DPF3: variants seen among roughly 807,000 people sequenced by gnomAD.
DPF3 encodes double PHD fingers 3, also known as zinc finger protein DPF3.
DPF3 carries 18 observed loss-of-function variants against 56.8 expected under a neutral mutation model. The ratio of observed to expected loss-of-function variants is 0.32; its 90% CI spans 0.22 to 0.47. The LOEUF (loss-of-function observed/expected upper bound fraction) is 0.47. Ranked by LOEUF, DPF3 falls within the 20% of genes least tolerant of loss-of-function variation. The pLI, the probability that DPF3 is intolerant of heterozygous loss-of-function variation, is 1.00. For missense variants in DPF3, 403 were observed against 488.8 expected, an observed-to-expected ratio of 0.82 and a Z score of 1.65; for synonymous variants, 188 against 180.2, an observed-to-expected ratio of 1.04 and a Z score of -0.35.
intron 1 of DPF3, among the ~76,000 whole-genome samples, chr14:72,820,648 A>C (rs957246800): frequency 1.3e-5 from 2 of 152,222 alleles, no homozygotes; most frequent in Non-Finnish European, 2.9e-5. Context: ...CACTTCTAGA[A>C]ACCTGTGCTA....
intron 1 of DPF3, among the ~76,000 whole-genome samples, chr14:72,837,807 C>T (rs1159023890): frequency 2.6e-5 from 4 of 152,116 alleles, no homozygotes; most frequent in Non-Finnish European, 5.9e-5. Flanking sequence ...ACACAGCCTC[C>T]TTCAAAAGAA....
At chr14:72,804,094 A>C (rs551037846) in intron 1 of DPF3, among the ~76,000 whole-genome samples, 10 of 152,058 alleles carry the variant, frequency 6.6e-5, no homozygotes, top group Non-Finnish European at 1.2e-4. Flanking sequence ...ATGAGGACCA[A>C]ATGACTGGGG....
At chr14:72,648,817 C>T (rs894998990) in intron 8 of DPF3, among the ~76,000 whole-genome samples, 2 of 152,066 alleles carry the variant, frequency 1.3e-5, no homozygotes, top group East Asian at 3.9e-4. Context: ...AGCCAGCATA[C>T]AAACAAGCCA....
intron 3 of DPF3, among the ~76,000 whole-genome samples, chr14:72,751,455 A>G (rs1599408881): frequency 6.6e-6 from 1 of 152,278 alleles, no homozygotes; most frequent in East Asian, 1.9e-4. Context: ...TGGAGCAAGG[A>G]CCAAGCTTCT....
At chr14:72,754,359 T>C (rs1890703491) in intron 2 of DPF3, among the ~76,000 whole-genome samples, 1 of 152,120 alleles carries the variant, frequency 6.6e-6, no homozygotes, top group East Asian at 1.9e-4. Context: ...AGCCAACAAA[T>C]CCCTAATAGG....
chr14:72,718,923 G>A (rs958750007), intron 5 of DPF3, among the ~76,000 whole-genome samples: 12 of 151,332 alleles, frequency 7.9e-5, no homozygotes, highest in Non-Finnish European at 1.5e-4. Context: ...GGTGCATGCC[G>A]GCATGCCCAG....
At chr14:72,881,277 T>C (rs1886310097) in intron 1 of DPF3, among the ~76,000 whole-genome samples, 1 of 151,958 alleles carries the variant, frequency 6.6e-6, no homozygotes. Flanking sequence ...AGAGATCTCA[T>C]TCTCTAAAAT....
intron 7 of DPF3, among the ~76,000 whole-genome samples, chr14:72,689,599 C>A (rs546017430): frequency 6.6e-6 from 1 of 152,286 alleles, no homozygotes; most frequent in South Asian, 2.1e-4. Flanking sequence ...GGAGCCACCC[C>A]CTATCCCCAA....
intron 8 of DPF3, among the ~76,000 whole-genome samples, chr14:72,634,827 C>T (rs1885341066): frequency 6.6e-6 from 1 of 152,024 alleles, no homozygotes; most frequent in Non-Finnish European, 1.5e-5. Flanking sequence ...GGAGGGAAGA[C>T]AACCCTTCCC....
chr14:72,785,728 A>T (rs1433504750), intron 1 of DPF3, among the ~76,000 whole-genome samples: 4 of 152,214 alleles, frequency 2.6e-5, no homozygotes, highest in African/African-American at 9.7e-5. Flanking sequence ...AAAAAAGTTA[A>T]TATGGGGCTT....
chr14:72,876,420 C>G (rs951148281), intron 1 of DPF3, among the ~76,000 whole-genome samples: 11 of 152,316 alleles, frequency 7.2e-5, no homozygotes, highest in African/African-American at 2.6e-4. Context: ...CCTGGAGCCT[C>G]TCTTTTGGAC....
Position 72,799,490 on chromosome 14 carries a change from C to A in DPF3, c.33-27597G>T, listed in dbSNP as rs114110089. Among the ~76,000 whole-genome samples the A allele has an allele frequency of 8.1e-3, 1,228 of 152,184 alleles. 17 individuals carry two copies. Among genetic ancestry groups the A allele is most frequent in the African/African-American group, 0.028 (1,155 of 41,510 alleles). ...GACCAGCCTGGGTAACATAGTGAGA[C>A]CTTGTCTCTACAAAAATTGGCCAGG... On this transcript the variant is annotated intron_variant, in intron 1 of 10. Coordinates refer to ENST00000556509, the MANE Select transcript of DPF3 (RefSeq NM_001280542.3).
chr14:72,663,738 G>C (rs1282966803), intron 8 of DPF3, among the ~76,000 whole-genome samples: 2 of 152,150 alleles, frequency 1.3e-5, no homozygotes, highest in Non-Finnish European at 2.9e-5. Context: ...TGAGCGATAA[G>C]GGAGGGAGAA....
chr14:72,661,854 C>CTTTT lies in DPF3; in HGVS notation c.871+12382_871+12385dup, dbSNP rs60114618. Reference sequence around the variant, plus strand: ...ACCTCAGCTGATGCTTTTATTTTTGCTTTTTTTTTTTTTTTTTTTTTGCTG... The same window carrying CTTTT: ...ACCTCAGCTGATGCTTTTATTTTTGCTTTTTTTTTTTTTTTTTTTTTTTTTGCTG... On this transcript the variant is annotated intron_variant, in intron 8 of 10. Transcript: ENST00000556509. 719 of 925,414 alleles carry CTTTT rather than the reference C, an allele frequency of 7.8e-4. 2 individuals are homozygous for CTTTT. The African/African-American group carries it at 0.011, about 14-fold the overall frequency. The allele number at this position is 925,414 out of a possible 1,614,324, so 57.3% of individuals were successfully genotyped here. A position where few individuals can be genotyped will look rare whatever the true frequency, so the allele number is the denominator to read the frequency against.
At chr14:72,764,147 A>T (rs1891168320) in intron 2 of DPF3, among the ~76,000 whole-genome samples, 1 of 151,654 alleles carries the variant, frequency 6.6e-6, no homozygotes, top group African/African-American at 2.4e-5. Flanking sequence ...CAAGATTAGC[A>T]GGCTGTACCT....
intron 1 of DPF3, among the ~76,000 whole-genome samples, chr14:72,819,833 G>A (rs543313891): frequency 6.6e-6 from 1 of 152,290 alleles, no homozygotes; most frequent in Admixed American, 6.5e-5. Context: ...AGCTACTAGG[G>A]AGACTGAGGT....
Position 72,714,488 on chromosome 14 carries a change from G to A in DPF3, c.539C>T (p.Ala180Val). 6.2e-7 allele frequency: 1 copy of A among 1,613,780 alleles called. No individual in the cohort carries two copies. The highest frequency in any genetic ancestry group is 2.2e-5 in the East Asian group (1 of 44,866). The change falls in exon 6 of 11, where the codon GCA becomes GTA. Residue 180 changes from alanine to valine, a missense_variant. Ala to Val is a moderately conservative substitution (Grantham distance 64). This residue lies in a region of DPF3 where 340 missense variants were observed against 374.3 expected (regional missense o/e 0.91). Transcript: ENST00000556509. ...GGCGTCGTGCCTCCTCCTGCCCCCTGCAGAGCCGCGAGCCTGGGGAGACAT... is the reference window on the plus strand; with the variant it reads ...GGCGTCGTGCCTCCTCCTGCCCCCTACAGAGCCGCGAGCCTGGGGAGACAT... Reference protein sequence around the residue: ...NRTRGRARGSAGGRRRHDAAS... With the variant: ...NRTRGRARGSVGGRRRHDAAS...
intron 1 of DPF3, among the ~76,000 whole-genome samples, chr14:72,865,592 T>C (rs1359352539): frequency 6.6e-6 from 1 of 152,084 alleles, no homozygotes; most frequent in East Asian, 1.9e-4. Context: ...TTCTCTGCCA[T>C]AGGAAGAAAT....
chr14:72,626,387 T>C (rs947486423), intron 9 of DPF3, among the ~76,000 whole-genome samples: 3 of 152,190 alleles, frequency 2.0e-5, no homozygotes, highest in Non-Finnish European at 2.9e-5. Context: ...AGCAAATGCA[T>C]GTAGGTTTTC....
Sources: gnomAD v4.1 joint callset for allele counts (sites outside exome capture counted in the v4.1 genomes callset) on GRCh38, gnomAD v4.1.1 for gene constraint, gnomAD v4.1.1 regional missense constraint, MANE v1.5 for transcripts, NCBI Gene and HGNC (gene_info 2026-07-23, HGNC 2026-07-21) for gene names.